Variants in CDC7 observed in about 807,000 individuals in gnomAD.
The protein encoded by CDC7 is cell division cycle 7, also known as cell division cycle 7-related protein kinase.
A neutral mutation model predicts 53.5 loss-of-function variants in CDC7; 34 were observed. The observed-to-expected ratio is 0.64, with a 90% CI of 0.48 to 0.85. CDC7 has a LOEUF of 0.85. Ranked by LOEUF, CDC7 falls within the 40% of genes least tolerant of loss-of-function variation. CDC7 has a pLI of 0.00. For missense variants in CDC7, 594 were observed against 679.7 expected, an observed-to-expected ratio of 0.87 and a Z score of 1.40; for synonymous variants, 211 against 222.8, an observed-to-expected ratio of 0.95 and a Z score of 0.47.
chr1:91,520,067 A>G (rs1222428640), intron 10 of CDC7, 63 bp from the exon 11 acceptor site: 4 of 1,320,580 alleles, frequency 3.0e-6, no homozygotes, highest in Admixed American at 2.4e-5. Flanking sequence ...GTTGAGGACT[A>G]TTGATTTAGA....
At chr1:91,518,163 C>A in intron 10 of CDC7, among the ~76,000 whole-genome samples, 2 of 131,046 alleles carry the variant, frequency 1.5e-5, no homozygotes, top group African/African-American at 2.8e-5. Context: ...CCTGGTGATA[C>A]TAGGAAGTCA....
At chr1:91,522,637 C>T (rs1668022179) in intron 11 of CDC7, among the ~76,000 whole-genome samples, 1 of 152,092 alleles carries the variant, frequency 6.6e-6, no homozygotes, top group South Asian at 2.1e-4. Flanking sequence ...TATTTTATGA[C>T]TTCAGAACAA....
intron 2 of CDC7, 41 bp from the exon 3 acceptor site, chr1:91,507,813 C>T: frequency 8.6e-7 from 1 of 1,161,434 alleles, no homozygotes; most frequent in East Asian, 2.5e-5. Context: ...GTAAAATATA[C>T]TGTCATTGAT....
In CDC7 at chr1:91,514,047, A is replaced by G; in HGVS notation, c.918+4A>G. On this transcript the variant is annotated splice_donor_region_variant and intron_variant, in intron 8 of 11. Coordinates refer to ENST00000234626, the MANE Select transcript of CDC7 (RefSeq NM_003503.4). ...ACATGAGAGCCCTGCAGTGAAAGTA[A>G]GTAATGTAGCTTAATAGCATAATGG... 1 of 1,576,850 alleles carries G rather than the reference A, an allele frequency of 6.3e-7. No individual in the cohort carries two copies. Among genetic ancestry groups the G allele is most frequent in the Non-Finnish European group, 8.7e-7 (1 of 1,146,804 alleles).
chr1:91,503,870 A>T (rs1351881734), intron 2 of CDC7, among the ~76,000 whole-genome samples: 1 of 151,966 alleles, frequency 6.6e-6, no homozygotes, highest in African/African-American at 2.4e-5. Flanking sequence ...AGAATATGGG[A>T]TCTTATTTCT....
At chr1:91,515,723 G>C (rs1339568148) in intron 9 of CDC7, 71 bp from the exon 10 acceptor site, 2 of 1,576,574 alleles carry the variant, frequency 1.3e-6, no homozygotes, top group Non-Finnish European at 1.7e-6. Context: ...GAACTAAATT[G>C]ATGAATGTTA....
At chr1:91,504,246 C>T (rs548678647) in intron 2 of CDC7, among the ~76,000 whole-genome samples, 2 of 152,082 alleles carry the variant, frequency 1.3e-5, no homozygotes, top group African/African-American at 4.8e-5. Flanking sequence ...GCTTGGATTA[C>T]AGGCATGTGC....
In CDC7 at chr1:91,508,243, T is replaced by G. The variant is rs57818284; in HGVS notation, c.200-19T>G. On this transcript the variant is annotated intron_variant, in intron 3 of 11. Transcript: ENST00000234626. ...TTTTAAAAACCAGATATTGAAAAATTTAATAAATTGTTTTACAGGCACTTT... is the reference window on the plus strand; with the variant it reads ...TTTTAAAAACCAGATATTGAAAAATGTAATAAATTGTTTTACAGGCACTTT... 7.9e-4 allele frequency: 1,236 copies of G among 1,565,002 alleles called. 8 individuals carry two copies. In the African/African-American group the frequency reaches 0.016, roughly 20 times the overall value.
intron 11 of CDC7, among the ~76,000 whole-genome samples, chr1:91,523,394 A>C (rs888375180): frequency 2.4e-4 from 37 of 152,196 alleles, no homozygotes; most frequent in African/African-American, 8.7e-4. Context: ...CTGACTACCT[A>C]ATCTGTACCA....
At chr1:91,510,726 A>C (rs1205386495) in intron 4 of CDC7, among the ~76,000 whole-genome samples, 1 of 152,178 alleles carries the variant, frequency 6.6e-6, no homozygotes, top group African/African-American at 2.4e-5. Flanking sequence ...CTTCAGGCTC[A>C]GCTTCCATTG....
intron 2 of CDC7, among the ~76,000 whole-genome samples, chr1:91,507,461 T>A (rs1291189096): frequency 6.6e-6 from 1 of 152,214 alleles, no homozygotes; most frequent in Non-Finnish European, 1.5e-5. Context: ...CCTTTAAGAT[T>A]TTGTATCTTT....
intron 10 of CDC7, among the ~76,000 whole-genome samples, 168 bp from the exon 11 acceptor site, chr1:91,519,962 C>A (rs1424268120): frequency 6.6e-6 from 1 of 152,170 alleles, no homozygotes; most frequent in African/African-American, 2.4e-5. Context: ...AACATTGATG[C>A]CTGAGCCCTA....
At chr1:91,515,310 C>T (rs746504993) in intron 9 of CDC7, among the ~76,000 whole-genome samples, 2 of 152,054 alleles carry the variant, frequency 1.3e-5, no homozygotes, top group Non-Finnish European at 2.9e-5. Flanking sequence ...TTTTTATTCC[C>T]GCTTATGTGG....
intron 8 of CDC7, 77 bp downstream of exon 8, chr1:91,514,120 AT>A: frequency 1.1e-6 from 1 of 875,378 alleles, no homozygotes; most frequent in Non-Finnish European, 1.7e-6. Context: ...CTAGATTAAC[AT>A]TTATTATCAG....
chr1:91,522,837 G>A (rs1668037772), intron 11 of CDC7, among the ~76,000 whole-genome samples: 2 of 152,080 alleles, frequency 1.3e-5, no homozygotes, highest in African/African-American at 2.4e-5. Flanking sequence ...TAGTACACCA[G>A]TCCAGTAGTT....
At chr1:91,510,650 T>TGTGCTTAAAAAAGTAC (rs1667239898) in intron 4 of CDC7, among the ~76,000 whole-genome samples, 1 of 152,360 alleles carries the variant, frequency 6.6e-6, no homozygotes, top group South Asian at 2.1e-4. Context: ...TTTCTTTTTC[T>TGTGCTTAAAAAAGTAC]GTGCTTAAAA....
Position 91,520,270 on chromosome 1 carries a change from A to G in CDC7, c.1321A>G (p.Lys441Glu), listed in dbSNP as rs748399435. 6.3e-7 allele frequency: 1 copy of G among 1,596,202 alleles called. No individual in the cohort carries two copies. Among genetic ancestry groups the G allele is most frequent in the Non-Finnish European group, 8.5e-7 (1 of 1,173,138 alleles). ...ATCCAGAGAAACTATCCAAGCTGCT[A>G]AAACTTTTGGTAAGCAGTTTTGTAT... Reference protein sequence around the residue: ...RGSRETIQAAKTFGKSILCSK... With the variant: ...RGSRETIQAAETFGKSILCSK... The change falls in exon 11 of 12, where the codon AAA (lysine) becomes GAA (glutamate). Residue 441 changes from lysine (K) to glutamate (E), a missense_variant. By Grantham distance (56) the Lys-to-Glu change is moderately conservative. Coordinates refer to ENST00000234626, the MANE Select transcript of CDC7 (RefSeq NM_003503.4).
intron 10 of CDC7, among the ~76,000 whole-genome samples, chr1:91,519,626 A>T (rs899449149): frequency 9.2e-5 from 14 of 152,194 alleles, no homozygotes; most frequent in Non-Finnish European, 1.6e-4. Flanking sequence ...ACAAAAAAAT[A>T]AAAAAGTAAT....
intron 10 of CDC7, among the ~76,000 whole-genome samples, chr1:91,519,077 G>T (rs1219111952): frequency 7.0e-6 from 1 of 142,236 alleles, no homozygotes; most frequent in African/African-American, 2.7e-5. Context: ...AAAAAAAAAA[G>T]AATGAATTAA....
Sources: allele counts gnomAD v4.1 joint callset (sites outside exome capture counted in the v4.1 genomes callset), GRCh38; gene constraint gnomAD v4.1.1; transcripts MANE v1.5; gene names NCBI Gene and HGNC (gene_info 2026-07-23, HGNC 2026-07-21).